FRMPD4: variants seen among roughly 807,000 people sequenced by gnomAD.
The protein encoded by FRMPD4 is FERM and PDZ domain containing 4.
FRMPD4 carries 22 observed loss-of-function variants against 94.1 expected under a neutral mutation model. The observed-to-expected ratio is 0.23, with a 90% CI of 0.17 to 0.33. The LOEUF is 0.33. Among genes scored for constraint, FRMPD4 ranks in the 10% least tolerant of loss-of-function variants. The pLI is 1.00. For synonymous variants in FRMPD4, 631 were observed against 548.6 expected (o/e 1.15, Z -2.10); for missense variants, 1,111 against 1,339.9 (o/e 0.83, Z 2.67).
chrX:12,283,193 T>C (rs1014014253), intron 1 of FRMPD4, among the ~76,000 whole-genome samples: 2 of 113,250 alleles, frequency 1.8e-5, no homozygotes, highest in East Asian at 2.8e-4. Context: ...AAGCTGCCCT[T>C]GCAAAGTTCC....
chrX:12,651,899 T>C (rs1245305637), intron 4 of FRMPD4, among the ~76,000 whole-genome samples: 3 of 112,664 alleles, frequency 2.7e-5, no homozygotes, highest in Non-Finnish European at 3.8e-5. Flanking sequence ...AGCTTCAACT[T>C]GGCAGATGAC....
chrX:12,280,714 C>G (rs1043424682), intron 1 of FRMPD4, among the ~76,000 whole-genome samples: 1 of 111,449 alleles, frequency 9.0e-6, no homozygotes, highest in Non-Finnish European at 1.9e-5. Flanking sequence ...ATTGGGGGTC[C>G]TTTCCCACTT....
intron 2 of FRMPD4, among the ~76,000 whole-genome samples, chrX:12,565,548 A>G (rs2058703854): frequency 8.9e-6 from 1 of 111,945 alleles, no homozygotes; most frequent in South Asian, 3.8e-4. Flanking sequence ...AATTTGAGAG[A>G]TAGTCTATCA....
At chrX:11,865,142 C>T (rs1439800844) in exon 2 of FRMPD4, among the ~76,000 whole-genome samples, 1 of 111,664 alleles carries the variant, frequency 9.0e-6, no homozygotes, top group Non-Finnish European at 1.9e-5. Context: ...CTGAATGTAT[C>T]CCATAGAGTG....
intron 3 of FRMPD4, among the ~76,000 whole-genome samples, chrX:12,028,580 A>G (rs903053635): frequency 1.8e-5 from 2 of 110,899 alleles, no homozygotes; most frequent in African/African-American, 6.6e-5. Flanking sequence ...GTGTCTACCA[A>G]TATAGTATCA....
At chrX:12,306,074 G>T in intron 1 of FRMPD4, among the ~76,000 whole-genome samples, 1 of 89,526 alleles carries the variant, frequency 1.1e-5, no homozygotes. Context: ...AACTTATGCT[G>T]TGCTTCAAAA....
chrX:12,469,276 G>C (rs1004188180), intron 1 of FRMPD4, among the ~76,000 whole-genome samples: 2 of 111,062 alleles, frequency 1.8e-5, no homozygotes, highest in African/African-American at 6.6e-5. Flanking sequence ...TTTTGAGACA[G>C]AGTCTCACTG....
intron 2 of FRMPD4, among the ~76,000 whole-genome samples, chrX:12,542,771 A>G (rs1385200778): frequency 2.7e-5 from 3 of 111,913 alleles, no homozygotes; most frequent in Non-Finnish European, 5.6e-5. Context: ...AAAAGAGCCC[A>G]CATTGCCAAG....
chrX:12,510,797 G>A (rs190821839), intron 2 of FRMPD4, among the ~76,000 whole-genome samples: 5 of 112,366 alleles, frequency 4.4e-5, no homozygotes, highest in East Asian at 2.8e-4. Context: ...ACAAAAGAGC[G>A]GACCATGCAT....
intron 9 of FRMPD4, among the ~76,000 whole-genome samples, chrX:12,701,091 T>C (rs1488048516): frequency 4.4e-5 from 4 of 91,544 alleles, no homozygotes; most frequent in South Asian, 5.5e-4. Flanking sequence ...TTTTTTTTTT[T>C]TGACAAGGTC....
chrX:12,308,432 G>A (rs2054978202), intron 1 of FRMPD4, among the ~76,000 whole-genome samples: 1 of 111,844 alleles, frequency 8.9e-6, no homozygotes, highest in African/African-American at 3.3e-5. Flanking sequence ...ACCACACAGA[G>A]AGATCAGGAG....
intron 4 of FRMPD4, among the ~76,000 whole-genome samples, chrX:12,662,884 G>A (rs1167490211): frequency 1.8e-5 from 2 of 112,303 alleles, no homozygotes; most frequent in Non-Finnish European, 3.8e-5. Flanking sequence ...ACTCTTTAAT[G>A]ATCGCCATTT....
intron 3 of FRMPD4, among the ~76,000 whole-genome samples, chrX:11,909,691 G>A (rs1307971825): frequency 9.1e-6 from 1 of 110,007 alleles, no homozygotes; most frequent in Non-Finnish European, 1.9e-5. Context: ...TCTAATCACT[G>A]CTTTATCTGC....
intron 3 of FRMPD4, among the ~76,000 whole-genome samples, chrX:12,000,489 T>C (rs1002793185): frequency 8.9e-6 from 1 of 111,995 alleles, no homozygotes; most frequent in Non-Finnish European, 1.9e-5. Context: ...ATAGTACTAG[T>C]ATAATAGTTC....
chrX:12,662,199 C>A (rs1306986331), intron 4 of FRMPD4, among the ~76,000 whole-genome samples: 2 of 109,747 alleles, frequency 1.8e-5, no homozygotes, highest in Non-Finnish European at 3.8e-5. Flanking sequence ...TTTTAGTTTT[C>A]TTTTTTAATA....
chrX:12,467,428 T>C (rs1209903644), intron 1 of FRMPD4, among the ~76,000 whole-genome samples: 2 of 112,175 alleles, frequency 1.8e-5, no homozygotes, highest in Middle Eastern at 4.6e-3. Context: ...TTTCTGGCAA[T>C]TGTTTCTTTG....
intron 16 of FRMPD4, among the ~76,000 whole-genome samples, chrX:12,719,816 G>C (rs1483190803): frequency 2.7e-5 from 3 of 109,744 alleles, no homozygotes; most frequent in African/African-American, 1.0e-4. Flanking sequence ...TGTGAGATGG[G>C]GATTATTTGC....
At chrX:12,266,536 C>T (rs1405039288) in intron 1 of FRMPD4, among the ~76,000 whole-genome samples, 1 of 111,514 alleles carries the variant, frequency 9.0e-6, no homozygotes, top group African/African-American at 3.3e-5. Flanking sequence ...GCATTTCTGC[C>T]TCATTCTATT....
chrX:12,238,351 C>T (rs1036878562), intron 1 of FRMPD4, among the ~76,000 whole-genome samples: 2 of 110,676 alleles, frequency 1.8e-5, no homozygotes, highest in African/African-American at 3.3e-5. Flanking sequence ...CTCGAACTCT[C>T]GACCTCAGGT....
Sources: allele counts gnomAD v4.1 joint callset (sites outside exome capture counted in the v4.1 genomes callset), GRCh38; gene constraint gnomAD v4.1.1; transcripts MANE v1.5; gene names NCBI Gene and HGNC (gene_info 2026-07-23, HGNC 2026-07-21).